Variants in AGTPBP1 observed in about 807,000 individuals in gnomAD.
AGTPBP1 encodes cytosolic carboxypeptidase 1.
A neutral mutation model predicts 143.9 loss-of-function variants in AGTPBP1; 70 were observed. That is an observed-to-expected ratio of 0.49 (90% CI 0.40 to 0.59). The LOEUF is 0.59. AGTPBP1 is among the 20% of genes least tolerant of loss of function. AGTPBP1 has a pLI of 0.00. For missense variants in AGTPBP1, 1,229 were observed against 1,464.5 expected (o/e 0.84, Z 2.62); for synonymous variants, 463 against 500.2 (o/e 0.93, Z 0.99).
the AGTPBP1 span, among the ~76,000 whole-genome samples, chr9:85,766,872 T>C: frequency 6.6e-6 from 1 of 152,224 alleles, no homozygotes; most frequent in East Asian, 1.9e-4. Flanking sequence ...TAAACTTGTT[T>C]AGGATAATTT....
the AGTPBP1 span, among the ~76,000 whole-genome samples, chr9:85,755,230 G>C: frequency 1.3e-5 from 2 of 152,056 alleles, no homozygotes; most frequent in Non-Finnish European, 2.9e-5. Context: ...GGTTCATGAA[G>C]GACTAGGAAA....
chr9:85,746,924 G>T (rs139540576), upstream of AGTPBP1, among the ~76,000 whole-genome samples: 559 of 152,132 alleles, frequency 3.7e-3, 2 homozygotes, highest in African/African-American at 0.013. Context: ...CATGATCATA[G>T]CCCACTGCAG....
intron 2 of AGTPBP1, among the ~76,000 whole-genome samples, chr9:85,707,320 T>C (rs1837076303): frequency 6.6e-6 from 1 of 151,818 alleles, no homozygotes; most frequent in Non-Finnish European, 1.5e-5. Flanking sequence ...TAGCTTTCAA[T>C]GTAAAAAATA....
rs760487799 is a variant in AGTPBP1, at chr9:85,634,688, T to C, written c.1303-1314A>G. Among the ~76,000 whole-genome samples the C allele has an allele frequency of 5.3e-5, 8 of 152,314 alleles. No individual in the cohort carries two copies. The South Asian group carries it at 1.2e-3, about 24-fold the overall frequency. ...TTTAAACAGATAAATAAGGTGTATA[T>C]TGAAGTCATTTCCAAAATTTTGCTA... On this transcript the variant is annotated intron_variant, in intron 13 of 25. Transcript: ENST00000357081.
intron 10 of AGTPBP1, among the ~76,000 whole-genome samples, chr9:85,656,285 C>T (rs1833506140): frequency 6.6e-6 from 1 of 152,180 alleles, no homozygotes; most frequent in Admixed American, 6.5e-5. Context: ...TTTCCATATA[C>T]ATTTTCACAT....
At chr9:85,664,408 T>C (rs1564120293) in intron 8 of AGTPBP1, among the ~76,000 whole-genome samples, 1 of 152,158 alleles carries the variant, frequency 6.6e-6, no homozygotes, top group Non-Finnish European at 1.5e-5. Context: ...TGAACTAATA[T>C]CACAAATGAA....
At chr9:85,594,506 G>C (rs1829171566) in intron 18 of AGTPBP1, among the ~76,000 whole-genome samples, 1 of 152,108 alleles carries the variant, frequency 6.6e-6, no homozygotes, top group South Asian at 2.1e-4. Flanking sequence ...TTGAGCCTGG[G>C]AGTGATGATA....
At chr9:85,659,119 T>C (rs543304528) in intron 9 of AGTPBP1, among the ~76,000 whole-genome samples, 82 of 152,252 alleles carry the variant, frequency 5.4e-4, no homozygotes, top group African/African-American at 1.9e-3. Flanking sequence ...AGTAAGAAAC[T>C]TGCCCATAAT....
chr9:85,764,792 A>G, the AGTPBP1 span: 2 of 1,310,842 alleles, frequency 1.5e-6, no homozygotes, highest in East Asian at 2.3e-5. Context: ...GCAGCTCCAG[A>G]CCAGTACAGC....
At chr9:85,661,117 T>C in intron 8 of AGTPBP1, 144 bp from the exon 9 acceptor site, 1 of 590,028 alleles carries the variant, frequency 1.7e-6, no homozygotes, top group Non-Finnish European at 2.8e-6. Flanking sequence ...TTACACATGG[T>C]ATTTCTCCGT....
chr9:85,639,578 G>C (rs575339425), intron 13 of AGTPBP1, among the ~76,000 whole-genome samples: 89 of 152,142 alleles, frequency 5.8e-4, no homozygotes, highest in Non-Finnish European at 1.2e-3. Flanking sequence ...TAGCATGTGG[G>C]AAAGGACTAC....
At chr9:85,585,148 A>T (rs1369551968) in intron 23 of AGTPBP1, among the ~76,000 whole-genome samples, 2 of 152,226 alleles carry the variant, frequency 1.3e-5, no homozygotes, top group Non-Finnish European at 2.9e-5. Context: ...ATAGCCTTGC[A>T]ATACATCCAT....
At chr9:85,547,384 T>G in intron 25 of AGTPBP1, 98 bp from the exon 26 acceptor site, 4 of 1,028,900 alleles carry the variant, frequency 3.9e-6, no homozygotes, top group Non-Finnish European at 5.3e-6. Flanking sequence ...GATTCCAATA[T>G]AATATAAGCT....
At chr9:85,592,373 CTAAACT>C (rs1829025222) in intron 19 of AGTPBP1, among the ~76,000 whole-genome samples, 181 bp downstream of exon 19, 1 of 151,936 alleles carries the variant, frequency 6.6e-6, no homozygotes, top group Admixed American at 6.6e-5. Flanking sequence ...TTATATTTAA[CTAAACT>C]TAATTTTCCT....
chr9:85,615,436 A>G (rs573465817), intron 17 of AGTPBP1, among the ~76,000 whole-genome samples: 5 of 152,254 alleles, frequency 3.3e-5, no homozygotes, highest in African/African-American at 4.8e-5. Context: ...ATCTGTTATC[A>G]TTCATTTATT....
the AGTPBP1 span, among the ~76,000 whole-genome samples, chr9:85,769,422 G>A: frequency 6.6e-6 from 1 of 151,250 alleles, no homozygotes; most frequent in Admixed American, 6.6e-5. Context: ...ATGGTGGCGT[G>A]TGCCTGTAGT....
At chr9:85,627,517 G>A (rs1195839467) in intron 14 of AGTPBP1, among the ~76,000 whole-genome samples, 1 of 151,774 alleles carries the variant, frequency 6.6e-6, no homozygotes, top group Non-Finnish European at 1.5e-5. Context: ...AGGGAGAGTG[G>A]AGGCTTTGGA....
At chr9:85,745,544 A>G (rs931786174), upstream of AGTPBP1, among the ~76,000 whole-genome samples, 2 of 152,268 alleles carry the variant, frequency 1.3e-5, no homozygotes, top group African/African-American at 4.8e-5. Flanking sequence ...AATGTAGTAC[A>G]AACGACCAGA....
At chr9:85,587,695 C>T (rs1172273718) in intron 21 of AGTPBP1, among the ~76,000 whole-genome samples, 1 of 152,184 alleles carries the variant, frequency 6.6e-6, no homozygotes, top group Non-Finnish European at 1.5e-5. Context: ...TTTGGAGATA[C>T]TCATGACAAC....
Sources: gnomAD v4.1 joint callset for allele counts (sites outside exome capture counted in the v4.1 genomes callset) on GRCh38, gnomAD v4.1.1 for gene constraint, MANE v1.5 for transcripts, NCBI Gene and HGNC (gene_info 2026-07-23, HGNC 2026-07-21) for gene names.